The following STARD7 variants were observed in gnomAD, a reference collection of about 807,000 sequenced individuals.
STARD7 encodes stAR-related lipid transfer protein 7, mitochondrial.
STARD7 carries 30 observed loss-of-function variants against 45.3 expected under a neutral mutation model. The observed-to-expected ratio is 0.66, with a 90% CI of 0.50 to 0.90. The LOEUF (loss-of-function observed/expected upper bound fraction) is 0.90, where lower values mean the gene tolerates loss of function less well. Among genes scored for constraint, STARD7 ranks in the 40% least tolerant of loss-of-function variants. The pLI, the probability that STARD7 is intolerant of heterozygous loss-of-function variation, is 0.00. For missense variants in STARD7, 495 were observed against 491.3 expected, an observed-to-expected ratio of 1.01 and a Z score of -0.07; for synonymous variants, 199 against 183.0, an observed-to-expected ratio of 1.09 and a Z score of -0.70.
In STARD7 at chr2:96,195,154, A is replaced by C. The variant is rs1683182580; in HGVS notation, c.500-147T>G. 6 of 839,670 alleles carry C rather than the reference A, an allele frequency of 7.1e-6. No individual in the cohort carries two copies. In the Admixed American group the frequency reaches 8.2e-5, roughly 11 times the overall value. The allele number at this position is 839,670 out of a possible 1,614,324, so 52.0% of individuals were successfully genotyped here. ...AGAAGTCTTAGTAGAGCAACAAAGA[A>C]AGACAAAGAGGATGTAAGCAAAGAC... On this transcript the variant is annotated intron_variant, in intron 2 of 7. Transcript: ENST00000337288.
Position 96,204,527 on chromosome 2 carries a change from C to G in STARD7, c.290+3618G>C, listed in dbSNP as rs540099526. Among the ~76,000 whole-genome samples the G allele has an allele frequency of 3.2e-3, 490 of 152,220 alleles. 2 individuals are homozygous for G. The highest frequency in any genetic ancestry group is 5.9e-3 in the Non-Finnish European group (403 of 68,012). ...CCGAGATCATGCCAATGCACTCCAGCCTGGGCGACAGGGTGAGACTCTGTC... is the reference window on the plus strand; with the variant it reads ...CCGAGATCATGCCAATGCACTCCAGGCTGGGCGACAGGGTGAGACTCTGTC... On this transcript the variant is annotated intron_variant, in intron 1 of 7. Coordinates refer to ENST00000337288, the MANE Select transcript of STARD7 (RefSeq NM_020151.4).
chr2:96,197,079 A>ATAACATAACATAACATAAC (rs1558735802), intron 1 of STARD7, among the ~76,000 whole-genome samples: 9 of 135,648 alleles, frequency 6.6e-5, no homozygotes, highest in Non-Finnish European at 8.1e-5. Context: ...AATAAAATAA[A>ATAACATAACATAACATAAC]ATAAAATAAA....
chr2:96,188,480 G>A (rs1421573398), intron 6 of STARD7, among the ~76,000 whole-genome samples: 4 of 150,866 alleles, frequency 2.7e-5, no homozygotes, highest in South Asian at 4.2e-4. Context: ...TCTCCATCTT[G>A]GTCAGGCTGG....
chr2:96,200,986 A>C (rs1056519834), intron 1 of STARD7, among the ~76,000 whole-genome samples: 2 of 152,196 alleles, frequency 1.3e-5, no homozygotes, highest in Non-Finnish European at 2.9e-5. Flanking sequence ...TTCAAGCTTC[A>C]AAAAACCACA....
In STARD7 at chr2:96,195,473, C is replaced by G. The variant is rs754214358; in HGVS notation, c.367G>C (p.Glu123Gln). 1 of 1,613,800 alleles carries G rather than the reference C, an allele frequency of 6.2e-7. No homozygotes were observed. Among genetic ancestry groups the G allele is most frequent in the Non-Finnish European group, 8.5e-7 (1 of 1,179,834 alleles). ...QSSGVQHHPPEPKAQTEGNED... is the reference protein window; with the variant it reads ...QSSGVQHHPPQPKAQTEGNED... ...TTCCCTTCTGTTTGGGCTTTTGGTT[C>G]TGGAGGGTGGTGCTGGACTCCAGAG... The change falls in exon 2 of 8, where the codon GAA (glutamate) becomes CAA (glutamine). Residue 123 changes from glutamate (E) to glutamine (Q), a missense_variant. Around this residue, in one of 2 missense-constraint regions of STARD7, gnomAD observed 282 missense variants for 220.1 expected, o/e 1.28. Coordinates refer to ENST00000337288, the MANE Select transcript of STARD7 (RefSeq NM_020151.4).
chr2:96,186,667 G>A lies in STARD7; in HGVS notation c.*63C>T, dbSNP rs1683041665. The A allele has an allele frequency of 3.0e-6, 4 of 1,330,660 alleles. No individual in the cohort carries two copies. The highest frequency in any genetic ancestry group is 1.5e-5 in the African/African-American group (1 of 68,014). 82.4% of individuals were successfully genotyped at this position (1,330,660 alleles called of 1,614,324 possible). On this transcript the variant is annotated 3_prime_UTR_variant, in exon 8 of 8. Transcript: ENST00000337288. ...ACATGTGGCATGTCCCCCTTCTACA[G>A]CAGAGTGATAACGGACTGAGACAGG...
At chr2:96,204,048 C>T (rs925628685) in intron 1 of STARD7, among the ~76,000 whole-genome samples, 13 of 152,048 alleles carry the variant, frequency 8.5e-5, no homozygotes, top group Non-Finnish European at 1.5e-4. Flanking sequence ...AGGTCAGGAG[C>T]AGGAGTTCGA....
At chr2:96,206,602 C>T (rs1471644105) in intron 1 of STARD7, among the ~76,000 whole-genome samples, 2 of 151,808 alleles carry the variant, frequency 1.3e-5, no homozygotes, top group African/African-American at 4.8e-5. Flanking sequence ...AGATCGAGAC[C>T]ATCCTGGCTA....
chr2:96,190,473 G>A (rs1683108590), intron 6 of STARD7, among the ~76,000 whole-genome samples: 2 of 151,882 alleles, frequency 1.3e-5, no homozygotes, highest in Non-Finnish European at 1.5e-5. Flanking sequence ...AAGTGGCTGG[G>A]ATTACAGACA....
At chr2:96,189,718 A>C (rs1057197550) in intron 6 of STARD7, among the ~76,000 whole-genome samples, 10 of 152,120 alleles carry the variant, frequency 6.6e-5, no homozygotes, top group Non-Finnish European at 1.0e-4. Flanking sequence ...AAAAAAAAAA[A>C]AAAAAATCAA....
chr2:96,206,351 T>C (rs1421221640), intron 1 of STARD7, among the ~76,000 whole-genome samples: 1 of 152,120 alleles, frequency 6.6e-6, no homozygotes, highest in Non-Finnish European at 1.5e-5. Context: ...CAAACTCTCC[T>C]TTCCTCTCTT....
At chr2:96,204,542 G>A (rs1683357172) in intron 1 of STARD7, among the ~76,000 whole-genome samples, 1 of 152,128 alleles carries the variant, frequency 6.6e-6, no homozygotes, top group South Asian at 2.1e-4. Flanking sequence ...GCGACAGGGT[G>A]AGACTCTGTC....
chr2:96,195,100 A>G, intron 2 of STARD7, 93 bp from the exon 3 acceptor site: 1 of 1,140,322 alleles, frequency 8.8e-7, no homozygotes, highest in Non-Finnish European at 1.3e-6. Context: ...CTAAAGTACT[A>G]AGAGATCTTA....
chr2:96,186,824 GGCT>G lies in STARD7; in HGVS notation c.1016_1018del (p.Lys339_Pro340delinsThr), dbSNP rs1213865921. On this transcript the variant is annotated inframe_deletion, in exon 8 of 8. Transcript: ENST00000337288. ...CTTGGCTTCACTACTCATTTCCAGA[GGCT>G]TAGCTGAGATGTAGTCCTTTACTTT... The G allele has an allele frequency of 6.2e-7, 1 of 1,613,948 alleles. No individual in the cohort carries two copies. Among genetic ancestry groups the G allele is most frequent in the South Asian group, 1.1e-5 (1 of 91,080 alleles).
intron 1 of STARD7, among the ~76,000 whole-genome samples, chr2:96,197,750 G>C (rs1224233010): frequency 6.6e-6 from 1 of 152,096 alleles, no homozygotes; most frequent in Non-Finnish European, 1.5e-5. Flanking sequence ...CCTCCTCCCA[G>C]TCCTAGGCAG....
intron 1 of STARD7, among the ~76,000 whole-genome samples, chr2:96,204,749 C>CAAAATAAAAAAAA (rs1683361052): frequency 1.0e-5 from 1 of 96,158 alleles, no homozygotes; most frequent in Non-Finnish European, 2.2e-5. Context: ...TGACAATGGC[C>CAAAATAAAAAAAA]AAAAAAAAAA....
chr2:96,194,667 G>A (rs185673454), intron 3 of STARD7, among the ~76,000 whole-genome samples: 1 of 152,320 alleles, frequency 6.6e-6, no homozygotes, highest in African/African-American at 2.4e-5. Flanking sequence ...CTCTTAAGTT[G>A]TTTGGGGAAA....
intron 1 of STARD7, among the ~76,000 whole-genome samples, chr2:96,201,471 C>T (rs1558737025): frequency 6.6e-6 from 1 of 151,136 alleles, no homozygotes; most frequent in Non-Finnish European, 1.5e-5. Flanking sequence ...AGCTGTAGTC[C>T]CAGCTACTGA....
chr2:96,202,659 T>G (rs2104202827), intron 1 of STARD7, among the ~76,000 whole-genome samples: 1 of 152,302 alleles, frequency 6.6e-6, no homozygotes, highest in Non-Finnish European at 1.5e-5. Flanking sequence ...AAAAAAATTT[T>G]TTTCTTCATT....
Sources: allele counts gnomAD v4.1 joint callset (sites outside exome capture counted in the v4.1 genomes callset), GRCh38; gene constraint gnomAD v4.1.1; regional missense constraint gnomAD v4.1.1; transcripts MANE v1.5; gene names NCBI Gene and HGNC (gene_info 2026-07-23, HGNC 2026-07-21).